ETNK2: variants seen among roughly 807,000 people sequenced by gnomAD.
ETNK2 encodes ethanolamine kinase 2.
ETNK2 carries 33 observed loss-of-function variants against 46.2 expected under a neutral mutation model. The ratio of observed to expected loss-of-function variants is 0.71; its 90% CI spans 0.54 to 0.96. The LOEUF is 0.96. Ranked by LOEUF, ETNK2 falls within the 40% of genes least tolerant of loss-of-function variation. The pLI, the probability that ETNK2 is intolerant of heterozygous loss-of-function variation, is 0.00. For missense variants in ETNK2, 445 were observed against 509.7 expected, an observed-to-expected ratio of 0.87 and a Z score of 1.22; for synonymous variants, 194 against 209.0, an observed-to-expected ratio of 0.93 and a Z score of 0.62.
At chr1:204,133,699 T>C (rs1657168219) in intron 7 of ETNK2, among the ~76,000 whole-genome samples, 1 of 151,328 alleles carries the variant, frequency 6.6e-6, no homozygotes, top group South Asian at 2.1e-4. Flanking sequence ...GCCCGGCTAA[T>C]TTTTTGTATT....
At chr1:204,141,670 T>C (rs997850814) in intron 3 of ETNK2, 2 of 576,396 alleles carry the variant, frequency 3.5e-6, no homozygotes, top group Non-Finnish European at 6.1e-6. Flanking sequence ...GCTAGGAAGC[T>C]GATAAAGACA....
Position 204,146,624 on chromosome 1 carries a change from C to T in ETNK2, c.641+18G>A, listed in dbSNP as rs1222418342. ...AGATCATATTAAGGCAGCCTTGGAC[C>T]CTCCCAGATCTTTGTACCTGGGGTT... On this transcript the variant is annotated intron_variant, in intron 3 of 7. Coordinates refer to ENST00000367202, the MANE Select transcript of ETNK2 (RefSeq NM_018208.4). 6.2e-7 allele frequency: 1 copy of T among 1,613,704 alleles called. No individual in the cohort carries two copies. Among genetic ancestry groups the T allele is most frequent in the East Asian group, 2.2e-5 (1 of 44,864 alleles).
chr1:204,147,355 C>T (rs1462680758), intron 2 of ETNK2: 6 of 490,892 alleles, frequency 1.2e-5, no homozygotes, highest in East Asian at 6.1e-5. Flanking sequence ...AACAAGCCAG[C>T]GTTCTATTTT....
rs1007034158 is a variant in ETNK2, at chr1:204,151,225, T to C, written c.258+370A>G. ...ATGGCTGGGTCGGGGGGGCGGGGGG[T>C]CTCTTAAAAGTTCCCGCCTCCTCAG... On this transcript the variant is annotated intron_variant, in intron 1 of 7. Coordinates refer to ENST00000367202, the MANE Select transcript of ETNK2 (RefSeq NM_018208.4). This position sits in a 1 kb window ranked among gnomAD's most constrained non-coding sequence, Gnocchi z 8.0. 1.2e-5 allele frequency: 4 copies of C among 331,934 alleles called. No individual in the cohort carries two copies. The highest frequency in any genetic ancestry group is 2.2e-5 in the Non-Finnish European group (4 of 181,840). The allele number at this position is 331,934 out of a possible 1,614,324, so 20.6% of individuals were successfully genotyped here. A position where few individuals can be genotyped will look rare whatever the true frequency, so the allele number is the denominator to read the frequency against.
At chr1:204,134,810 T>C in intron 6 of ETNK2, 1 of 1,026,680 alleles carries the variant, frequency 9.7e-7, no homozygotes, top group East Asian at 2.4e-5. Context: ...CAGAGCTAGT[T>C]CTACCGAGGC....
In ETNK2 at chr1:204,152,003, G is replaced by A. The variant is rs1658029232; in HGVS notation, c.-151C>T. 6.2e-6 allele frequency: 5 copies of A among 812,970 alleles called. No homozygotes were observed. Among genetic ancestry groups the A allele is most frequent in the Non-Finnish European group, 8.3e-6 (5 of 603,766 alleles). The allele number at this position is 812,970 out of a possible 1,614,324, so 50.4% of individuals were successfully genotyped here. A position where few individuals can be genotyped will look rare whatever the true frequency, so the allele number is the denominator to read the frequency against. ...TTCGATCGCCGGCTCGCGGCCCGCCGCCCACCGCCGACCCCGGAGCGCCGC... is the reference window on the plus strand; with the variant it reads ...TTCGATCGCCGGCTCGCGGCCCGCCACCCACCGCCGACCCCGGAGCGCCGC... On this transcript the variant is annotated 5_prime_UTR_variant, in exon 1 of 8. Coordinates refer to ENST00000367202, the MANE Select transcript of ETNK2 (RefSeq NM_018208.4). The surrounding 1 kb of genome is among the most constrained non-coding windows in gnomAD (Gnocchi z 4.2).
Position 204,151,339 on chromosome 1 carries a change from CGACAGTGG to C in ETNK2, c.258+248_258+255del. The C allele has an allele frequency of 1.8e-6, 1 of 567,618 alleles. No homozygotes were observed. The allele number at this position is 567,618 out of a possible 1,614,324, so 35.2% of individuals were successfully genotyped here. The stretch of plus-strand genomic sequence containing the variant: ...GGTGCGGCCCGCACACGCAGCATGC[CGACAGTGG>C]GCAGGTGGCCACCAGGCGTGCCTAA... On this transcript the variant is annotated intron_variant, in intron 1 of 7. Coordinates refer to ENST00000367202, the MANE Select transcript of ETNK2 (RefSeq NM_018208.4). The surrounding 1 kb of genome is among the most constrained non-coding windows in gnomAD (Gnocchi z 8.0).
Position 204,146,681 on chromosome 1 carries a change from T to C in ETNK2, c.602A>G (p.His201Arg). ...LPKPILWHKMHNYFTLVKNEI... is the reference protein window; with the variant it reads ...LPKPILWHKMRNYFTLVKNEI... ...GTTCTTCACAAGCGTGAAATAATTG[T>C]GCATCTTGTGCCAGAGGATGGGCTT... Residue 201 changes from histidine (H) to arginine (R), a missense_variant, in exon 3 of 8, where the codon CAC becomes CGC. Transcript: ENST00000367202. 1 of 1,614,066 alleles carries C rather than the reference T, an allele frequency of 6.2e-7. No individual in the cohort carries two copies. The highest frequency in any genetic ancestry group is 1.1e-5 in the South Asian group (1 of 91,090).
In ETNK2 at chr1:204,131,759, G is replaced by A. The variant is rs1008763521; in HGVS notation, c.*425C>T. 4.8e-5 allele frequency: 10 copies of A among 206,722 alleles called. No individual in the cohort carries two copies. The highest frequency in any genetic ancestry group is 1.5e-4 in the Admixed American group (3 of 19,584). The allele number at this position is 206,722 out of a possible 1,614,324, so 12.8% of individuals were successfully genotyped here. A position where few individuals can be genotyped will look rare whatever the true frequency, so the allele number is the denominator to read the frequency against. Reference sequence around the variant, plus strand: ...CAGCACCTCCCACATGGGGCATGCAGGGGGAGACGGACTGGAGGCTCAGGG... The same window carrying A: ...CAGCACCTCCCACATGGGGCATGCAAGGGGAGACGGACTGGAGGCTCAGGG... On this transcript the variant is annotated 3_prime_UTR_variant, in exon 8 of 8. Transcript: ENST00000367202. This position sits in a 1 kb window ranked among gnomAD's most constrained non-coding sequence, Gnocchi z 4.3.
intron 7 of ETNK2, among the ~76,000 whole-genome samples, chr1:204,134,106 G>C (rs1373407998): frequency 1.3e-5 from 2 of 152,206 alleles, no homozygotes; most frequent in African/African-American, 2.4e-5. Flanking sequence ...CCACTGCATG[G>C]CTTCAGCAAG....
Position 204,146,716 on chromosome 1 carries a change from G to C in ETNK2, c.567C>G (p.Gly189=), listed in dbSNP as rs1403942137. ...GCCAGAGGATGGGCTTGGGCAGGCT[G>C]CCGTTGGCGTGGATAGTATGAATCT... ...MAKIHTIHAN[G]SLPKPILWHK... is the part of the protein sequence containing the mutation. The change falls in exon 3 of 8, where the codon GGC becomes GGG. Residue 189 remains glycine, a synonymous_variant. Transcript: ENST00000367202. 1 of 1,614,024 alleles carries C rather than the reference G, an allele frequency of 6.2e-7. No individual in the cohort carries two copies. The highest frequency in any genetic ancestry group is 1.7e-5 in the Admixed American group (1 of 60,034).
intron 5 of ETNK2, among the ~76,000 whole-genome samples, chr1:204,139,420 T>G (rs1657412248): frequency 6.6e-6 from 1 of 152,190 alleles, no homozygotes; most frequent in African/African-American, 2.4e-5. Flanking sequence ...TGTACCAAGC[T>G]GAGTTACCAA....
At chr1:204,147,585 C>T (rs1428218265) in intron 2 of ETNK2, 1 of 527,990 alleles carries the variant, frequency 1.9e-6, no homozygotes, top group Admixed American at 2.0e-5. Flanking sequence ...TGCTAAGACT[C>T]CAACATTCAG....
chr1:204,133,352 C>T (rs1262463376), intron 7 of ETNK2, among the ~76,000 whole-genome samples: 1 of 152,056 alleles, frequency 6.6e-6, no homozygotes, highest in East Asian at 1.9e-4. Context: ...TAGTAGCTCA[C>T]CATTTTACAT....
intron 6 of ETNK2, among the ~76,000 whole-genome samples, chr1:204,136,480 C>T (rs1025230646): frequency 1.3e-5 from 2 of 150,310 alleles, no homozygotes; most frequent in African/African-American, 2.5e-5. Context: ...GAGGCAGAGG[C>T]GGGCGAATCA....
chr1:204,132,175 G>T lies in ETNK2; in HGVS notation c.*9C>A. ...AGACAGATGGGTAGGGGAGGGATGGGGTGGCTGGTCACTTTGGCATCTCCA... is the reference window on the plus strand; with the variant it reads ...AGACAGATGGGTAGGGGAGGGATGGTGTGGCTGGTCACTTTGGCATCTCCA... On this transcript the variant is annotated 3_prime_UTR_variant, in exon 8 of 8. Coordinates refer to ENST00000367202, the MANE Select transcript of ETNK2 (RefSeq NM_018208.4). 1 of 1,565,120 alleles carries T rather than the reference G, an allele frequency of 6.4e-7. No individual in the cohort carries two copies. Among genetic ancestry groups the T allele is most frequent in the Non-Finnish European group, 8.7e-7 (1 of 1,154,248 alleles).
At chr1:204,145,460 G>C (rs1261427326) in intron 3 of ETNK2, among the ~76,000 whole-genome samples, 3 of 152,228 alleles carry the variant, frequency 2.0e-5, no homozygotes, top group African/African-American at 7.2e-5. Context: ...GGGCTGAAAG[G>C]TTGGAAGGAC....
At chr1:204,142,845 G>C (rs1378516398) in intron 3 of ETNK2, 1 of 152,228 alleles carries the variant, frequency 6.6e-6, no homozygotes, top group Middle Eastern at 3.2e-3. Flanking sequence ...GAAGGTCAAA[G>C]CTCAAGAAGA....
At chr1:204,144,864 A>C (rs1657717426) in intron 3 of ETNK2, among the ~76,000 whole-genome samples, 1 of 152,056 alleles carries the variant, frequency 6.6e-6, no homozygotes, top group Non-Finnish European at 1.5e-5. Context: ...CTGCCAAGAC[A>C]ACTTTCCCTG....
Sources: allele counts gnomAD v4.1 joint callset (sites outside exome capture counted in the v4.1 genomes callset), GRCh38; gene constraint gnomAD v4.1.1; non-coding constraint Gnocchi (gnomAD v3.1); transcripts MANE v1.5; gene names NCBI Gene and HGNC (gene_info 2026-07-23, HGNC 2026-07-21).